TMED8: variants seen among roughly 807,000 people sequenced by gnomAD.
TMED8 encodes the protein transmembrane p24 trafficking protein family member 8, also known as protein TMED8.
A neutral mutation model predicts 32.7 loss-of-function variants in TMED8; 15 were observed. The ratio of observed to expected loss-of-function variants is 0.46; its 90% CI spans 0.31 to 0.71. The LOEUF (loss-of-function observed/expected upper bound fraction) is 0.71. Among genes scored for constraint, TMED8 ranks in the 30% least tolerant of loss-of-function variants. The pLI, the probability that TMED8 is intolerant of heterozygous loss-of-function variation, is 0.06. For missense variants in TMED8, 390 were observed against 423.9 expected (o/e 0.92, Z 0.70); for synonymous variants, 147 against 161.4 (o/e 0.91, Z 0.68).
At chr14:77,361,874 C>T (rs970002585) in intron 1 of TMED8, among the ~76,000 whole-genome samples, 6 of 152,134 alleles carry the variant, frequency 3.9e-5, no homozygotes, top group East Asian at 3.9e-4. Context: ...ACTGCAGCCT[C>T]GACCTCCATG....
intron 1 of TMED8, among the ~76,000 whole-genome samples, chr14:77,361,034 T>C (rs1354285279): frequency 6.9e-6 from 1 of 145,796 alleles, no homozygotes; most frequent in Non-Finnish European, 1.5e-5. Context: ...TGGAGTGCAG[T>C]GACACAATCT....
rs1181134385 is a variant in TMED8, at chr14:77,351,411, ATTTTTTT to A, written c.197+255_197+261del. On this transcript the variant is annotated intron_variant, in intron 2 of 5. Transcript: ENST00000216468. ...GTAGTCTGGCCACCACGCCCCGCTA[ATTTTTTT>A]TTTTTTTTTTTTTTTTGGATTTTTA... is the stretch of plus-strand genomic sequence containing the variant. Among the ~76,000 whole-genome samples, 408 of 102,136 alleles carry A rather than the reference ATTTTTTT, an allele frequency of 4.0e-3. 1 individual carries two copies. The highest frequency in any genetic ancestry group is 0.015 in the African/African-American group (354 of 23,734). The allele number at this position is 102,136 out of a possible 152,430, so 67.0% of individuals were successfully genotyped here.
At chr14:77,367,240 TAAAAAAAAAAAAA>T (rs56707120) in intron 1 of TMED8, among the ~76,000 whole-genome samples, 1 of 25,074 alleles carries the variant, frequency 4.0e-5, no homozygotes, top group African/African-American at 1.3e-4. Context: ...AGACTCTGTC[TAAAAAAAAAAAAA>T]AAAAAAAAAA....
chr14:77,335,632 A>G lies in TMED8; in HGVS notation c.*6139T>C, dbSNP rs1251616020. On this transcript the variant is annotated 3_prime_UTR_variant, in exon 6 of 6. Coordinates refer to ENST00000216468, the MANE Select transcript of TMED8 (RefSeq NM_213601.3). The stretch of plus-strand genomic sequence containing the variant: ...TCTTCAAGCACCTCCCTTTATTCCA[A>G]TTATCCTTTTCCAAAGTCTGGCTTT... The G allele has an allele frequency of 6.6e-6, 1 of 152,196 alleles. No homozygotes were observed. Among genetic ancestry groups the G allele is most frequent in the Non-Finnish European group, 1.5e-5 (1 of 68,038 alleles). The allele number at this position is 152,196 out of a possible 1,614,324, so 9.4% of individuals were successfully genotyped here.
At chr14:77,369,481 C>CA (rs1294066259) in intron 1 of TMED8, among the ~76,000 whole-genome samples, 9 of 152,240 alleles carry the variant, frequency 5.9e-5, no homozygotes, top group Non-Finnish European at 1.2e-4. Flanking sequence ...GGCCCTAACC[C>CA]AAAGGAAATG....
At chr14:77,348,165 G>A (rs1254167228) in intron 2 of TMED8, among the ~76,000 whole-genome samples, 1 of 151,990 alleles carries the variant, frequency 6.6e-6, no homozygotes, top group East Asian at 1.9e-4. Flanking sequence ...TTTATATATA[G>A]CATGTCATGA....
In TMED8 at chr14:77,343,361, T is replaced by C. The variant is rs199613955; in HGVS notation, c.577A>G (p.Ile193Val). Residue 193 changes from isoleucine to valine, a missense_variant, in exon 5 of 6, where the codon ATC becomes GTC. Ile to Val is a conservative substitution (Grantham distance 29). Coordinates refer to ENST00000216468, the MANE Select transcript of TMED8 (RefSeq NM_213601.3). ...CCCTCTGGATGAGTAGGTACCCGGA[T>C]GGTCACCACCTCACCACGCTTCACC... The part of the protein sequence containing the change: ...LVVKRGEVVT[I>V]RVPTHPEGKR... 85 of 1,614,178 alleles carry C rather than the reference T, an allele frequency of 5.3e-5. 1 individual carries two copies. In the Middle Eastern group the frequency reaches 9.9e-4, roughly 19 times the overall value.
rs1178678845 is a variant in TMED8 at position 77,376,254 on chromosome 14, A to C, written c.118+682T>G. On this transcript the variant is annotated intron_variant, in intron 1 of 5. Coordinates refer to ENST00000216468, the MANE Select transcript of TMED8 (RefSeq NM_213601.3). The surrounding 1 kb of genome is among the most constrained non-coding windows in gnomAD (Gnocchi z 4.0). ...CGTCGTCCTGGACAAGAAGAGGATG[A>C]GGGTCTTGAGAATGAGGGAGGTAGG... 6.6e-6 allele frequency among the ~76,000 whole-genome samples: 1 copy of C among 152,216 alleles called. No individual in the cohort carries two copies. The highest frequency in any genetic ancestry group is 2.4e-5 in the African/African-American group (1 of 41,448).
chr14:77,365,137 T>C lies in TMED8; in HGVS notation c.118+11799A>G, dbSNP rs74702437. Among the ~76,000 whole-genome samples, 741 of 152,306 alleles carry C rather than the reference T, an allele frequency of 4.9e-3. 3 individuals are homozygous for C. Among genetic ancestry groups the C allele is most frequent in the African/African-American group, 0.017 (690 of 41,564 alleles). Reference sequence around the variant, plus strand: ...TTCAGATATCACTCAGCCAAATATTTTGCCAAAATCAAAATATACTGTATA... The same window carrying C: ...TTCAGATATCACTCAGCCAAATATTCTGCCAAAATCAAAATATACTGTATA... On this transcript the variant is annotated intron_variant, in intron 1 of 5. Coordinates refer to ENST00000216468, the MANE Select transcript of TMED8 (RefSeq NM_213601.3).
chr14:77,376,010 CTATTT>C lies in TMED8; in HGVS notation c.118+921_118+925del, dbSNP rs992039102. 6.6e-6 allele frequency among the ~76,000 whole-genome samples: 1 copy of C among 152,208 alleles called. No homozygotes were observed. Among genetic ancestry groups the C allele is most frequent in the African/African-American group, 2.4e-5 (1 of 41,450 alleles). On this transcript the variant is annotated intron_variant, in intron 1 of 5. Transcript: ENST00000216468. This position sits in a 1 kb window ranked among gnomAD's most constrained non-coding sequence, Gnocchi z 4.0. ...CCTCAACCATTATACTTTATGGTGTCTATTTTAATTTCAGACCTAGAAAATTAATT... is the reference window on the plus strand; with the variant it reads ...CCTCAACCATTATACTTTATGGTGTCTAATTTCAGACCTAGAAAATTAATT...
rs1373548931 is a variant in TMED8, at chr14:77,376,970, G to A, written c.84C>T (p.Cys28=). ...CCGCCTGGCTCCCCTCCACTCCCTG[G>A]CAGTCCCCGACGCCGCCAGCCGACC... ...RPGSAGGVGD[C]QGVEGSQAAA... Residue 28 remains cysteine (C), a synonymous_variant, in exon 1 of 6, where the codon TGC becomes TGT. Coordinates refer to ENST00000216468, the MANE Select transcript of TMED8 (RefSeq NM_213601.3). This position sits in a 1 kb window ranked among gnomAD's most constrained non-coding sequence, Gnocchi z 4.0. 3.4e-6 allele frequency: 5 copies of A among 1,454,830 alleles called. No individual in the cohort carries two copies. Among genetic ancestry groups the A allele is most frequent in the Middle Eastern group, 2.4e-4 (1 of 4,162 alleles). The allele number at this position is 1,454,830 out of a possible 1,614,324, so 90.1% of individuals were successfully genotyped here.
chr14:77,372,748 C>T (rs960463531), intron 1 of TMED8, among the ~76,000 whole-genome samples: 3 of 151,512 alleles, frequency 2.0e-5, no homozygotes, highest in Non-Finnish European at 4.4e-5. Flanking sequence ...AAGAAAGCCA[C>T]AGGCAGACAA....
rs995407469 is a variant in TMED8, at chr14:77,338,488, C to G, written c.*3283G>C. On this transcript the variant is annotated 3_prime_UTR_variant, in exon 6 of 6. Transcript: ENST00000216468. Reference sequence around the variant, plus strand: ...TCATCTTTTCAGGTAAAGTTTAACTCTCTCAACCAACTGCCAGTCAGGAAC... The same window carrying G: ...TCATCTTTTCAGGTAAAGTTTAACTGTCTCAACCAACTGCCAGTCAGGAAC... The G allele has an allele frequency of 6.6e-5, 10 of 152,234 alleles. No homozygotes were observed. Among genetic ancestry groups the G allele is most frequent in the Admixed American group, 2.0e-4 (3 of 15,282 alleles). The allele number at this position is 152,234 out of a possible 1,614,324, so 9.4% of individuals were successfully genotyped here.
At chr14:77,348,706 G>C (rs961722754) in intron 2 of TMED8, among the ~76,000 whole-genome samples, 4 of 151,446 alleles carry the variant, frequency 2.6e-5, no homozygotes, top group African/African-American at 9.7e-5. Flanking sequence ...GGAAACGGAG[G>C]CTTCATTTTA....
At chr14:77,354,204 A>G (rs988351986) in intron 1 of TMED8, among the ~76,000 whole-genome samples, 6 of 152,216 alleles carry the variant, frequency 3.9e-5, no homozygotes. Flanking sequence ...TAAAAAGGAC[A>G]CAATATTTCT....
chr14:77,345,554 G>A (rs1011943764), intron 3 of TMED8, among the ~76,000 whole-genome samples: 1 of 151,106 alleles, frequency 6.6e-6, no homozygotes, highest in African/African-American at 2.4e-5. Context: ...CAGCTACTTG[G>A]AAGGCTGAGG....
intron 3 of TMED8, among the ~76,000 whole-genome samples, chr14:77,344,991 C>A (rs150073117): frequency 1.0e-3 from 154 of 152,254 alleles, no homozygotes; most frequent in African/African-American, 3.5e-3. Flanking sequence ...TCATTTCTTT[C>A]TTTCATTCCT....
In TMED8 at chr14:77,359,547, T is replaced by G. The variant is rs184538988; in HGVS notation, c.119-7796A>C. On this transcript the variant is annotated intron_variant, in intron 1 of 5. Coordinates refer to ENST00000216468, the MANE Select transcript of TMED8 (RefSeq NM_213601.3). ...GACATTTACTGGGGAGCTGTGTTGT[T>G]TTCATAATATCTGCTATCGAGTAAA... 2.3e-4 allele frequency: 94 copies of G among 406,636 alleles called. 2 individuals are homozygous for G. The East Asian group carries it at 3.9e-3, about 17-fold the overall frequency. 25.2% of individuals were successfully genotyped at this position (406,636 alleles called of 1,614,324 possible).
chr14:77,355,154 T>TTG (rs149768550), intron 1 of TMED8, among the ~76,000 whole-genome samples: 74,898 of 147,628 alleles, frequency 0.51, 20,142 homozygotes, highest in Admixed American at 0.66. Flanking sequence ...TGTATATGTA[T>TTG]TGTGTGTGTG....
Sources: gnomAD v4.1 joint callset for allele counts (sites outside exome capture counted in the v4.1 genomes callset) on GRCh38, gnomAD v4.1.1 for gene constraint, Gnocchi (gnomAD v3.1) non-coding constraint, MANE v1.5 for transcripts, NCBI Gene and HGNC (gene_info 2026-07-23, HGNC 2026-07-21) for gene names.